FAR2: variants seen among roughly 807,000 people sequenced by gnomAD.
The protein encoded by FAR2 is epididymis secretory protein Li 81.
Under a neutral mutation model 56.0 loss-of-function variants are expected in FAR2, and 19 were observed. The observed-to-expected ratio is 0.34, with a 90% confidence interval of 0.24 to 0.50. The LOEUF (loss-of-function observed/expected upper bound fraction) is 0.50. Ranked by LOEUF, FAR2 falls within the 20% of genes least tolerant of loss-of-function variation. The pLI, the probability that FAR2 is intolerant of heterozygous loss-of-function variation, is 0.98. For missense variants in FAR2, 508 were observed against 642.2 expected, an observed-to-expected ratio of 0.79 and a Z score of 2.26; for synonymous variants, 219 against 218.8, an observed-to-expected ratio of 1.00 and a Z score of -0.01.
At chr12:29,271,981 A>C (rs1348624074) in intron 2 of FAR2, among the ~76,000 whole-genome samples, 4 of 152,176 alleles carry the variant, frequency 2.6e-5, no homozygotes, top group Non-Finnish European at 5.9e-5. Flanking sequence ...CCTGCCCCAC[A>C]CTGCCTTCGG....
At chr12:29,260,846 G>C (rs866125190) in intron 1 of FAR2, among the ~76,000 whole-genome samples, 3 of 152,172 alleles carry the variant, frequency 2.0e-5, no homozygotes, top group Non-Finnish European at 4.4e-5. Flanking sequence ...TGGTAATCCA[G>C]GGAATTCTCT....
At chr12:29,283,651 A>T (rs10843376) in intron 2 of FAR2, among the ~76,000 whole-genome samples, 97,969 of 151,818 alleles carry the variant, frequency 0.65, 32,363 homozygotes, top group African/African-American at 0.78. Context: ...ATTGCTTTTT[A>T]AAAAATTATC....
chr12:29,253,408 C>CAGAT (rs140676085), intron 1 of FAR2, among the ~76,000 whole-genome samples: 45,777 of 143,964 alleles, frequency 0.32, 7,831 homozygotes, highest in Non-Finnish European at 0.37. Flanking sequence ...GATAGATGGA[C>CAGAT]AGATAGATAG....
intron 1 of FAR2, among the ~76,000 whole-genome samples, chr12:29,149,764 G>T (rs1207238428): frequency 2.0e-5 from 3 of 152,222 alleles, no homozygotes; most frequent in African/African-American, 7.2e-5. Flanking sequence ...GGGGACCCGG[G>T]AAGAGAGGCG....
chr12:29,268,296 A>T (rs1948553067), intron 1 of FAR2, among the ~76,000 whole-genome samples: 2 of 152,176 alleles, frequency 1.3e-5, no homozygotes, highest in Admixed American at 1.3e-4. Flanking sequence ...ACAGTTGACA[A>T]AGTGAGTGGA....
chr12:29,191,342 G>A (rs1036358342), intron 1 of FAR2, among the ~76,000 whole-genome samples: 1 of 152,228 alleles, frequency 6.6e-6, no homozygotes, highest in Non-Finnish European at 1.5e-5. Flanking sequence ...CTTTCAATAT[G>A]CTTAGGAGGA....
chr12:29,152,605 G>A lies in FAR2; in HGVS notation c.-39+3198G>A, dbSNP rs569961703. Among the ~76,000 whole-genome samples the A allele has an allele frequency of 6.6e-5, 10 of 152,312 alleles. No homozygotes were observed. In the East Asian group the frequency reaches 7.7e-4, roughly 12 times the overall value. ...CACTAGAAGGGATGAATGGAGATTC[G>A]TTCTTCATGCAATTACTCTGTGCAG... On this transcript the variant is annotated intron_variant, in intron 1 of 11. Coordinates refer to ENST00000536681, the MANE Select transcript of FAR2 (RefSeq NM_001271783.2).
chr12:29,279,772 G>A (rs569892123), intron 2 of FAR2, among the ~76,000 whole-genome samples: 1 of 152,230 alleles, frequency 6.6e-6, no homozygotes, highest in East Asian at 1.9e-4. Context: ...GAGAGATAGA[G>A]CTTGGTAGAG....
intron 1 of FAR2, among the ~76,000 whole-genome samples, chr12:29,213,347 A>T (rs1182463885): frequency 6.6e-6 from 1 of 152,180 alleles, no homozygotes; most frequent in East Asian, 1.9e-4. Flanking sequence ...ATGAGGGCAC[A>T]TATGAGCACT....
chr12:29,326,662 G>T (rs879250762), intron 10 of FAR2, among the ~76,000 whole-genome samples: 1 of 152,140 alleles, frequency 6.6e-6, no homozygotes, highest in East Asian at 1.9e-4. Context: ...CACATGATTA[G>T]CTCAATAGAC....
intron 1 of FAR2, among the ~76,000 whole-genome samples, chr12:29,182,717 G>A (rs1950002998): frequency 6.6e-6 from 1 of 152,156 alleles, no homozygotes; most frequent in East Asian, 1.9e-4. Context: ...GTTTAGTTGG[G>A]CCAAGAGTGG....
intron 1 of FAR2, among the ~76,000 whole-genome samples, chr12:29,219,187 C>T (rs989544741): frequency 1.1e-4 from 16 of 152,108 alleles, no homozygotes; most frequent in African/African-American, 3.6e-4. Flanking sequence ...CTGTGCCCAG[C>T]CCACGTTAGA....
chr12:29,261,897 A>G lies in FAR2; in HGVS notation c.-38-8515A>G, dbSNP rs570453287. 1.8e-4 allele frequency among the ~76,000 whole-genome samples: 27 copies of G among 152,364 alleles called. No individual in the cohort carries two copies. In the East Asian group the frequency reaches 5.2e-3, roughly 29 times the overall value. On this transcript the variant is annotated intron_variant, in intron 1 of 11. Transcript: ENST00000536681. ...AGCTGAGGGATTTCATCAACACCAG[A>G]CCTGTCCTATAAAAATGCTAAAGGC...
chr12:29,151,668 A>G (rs1382036341), intron 1 of FAR2: 3 of 152,238 alleles, frequency 2.0e-5, no homozygotes, highest in Admixed American at 6.5e-5. Flanking sequence ...CAGTGTTTGA[A>G]CAGCAATCCC....
chr12:29,244,772 A>T (rs1948098155), intron 1 of FAR2, among the ~76,000 whole-genome samples: 1 of 152,218 alleles, frequency 6.6e-6, no homozygotes, highest in Non-Finnish European at 1.5e-5. Context: ...GAACTTATTC[A>T]TTCAATTACA....
chr12:29,247,619 G>A (rs574046530), intron 1 of FAR2, among the ~76,000 whole-genome samples: 12 of 152,116 alleles, frequency 7.9e-5, no homozygotes, highest in Middle Eastern at 3.4e-3. Context: ...ATTGAGATAC[G>A]GTTGTAAGAA....
chr12:29,149,920 C>T (rs1184256877), intron 1 of FAR2, among the ~76,000 whole-genome samples: 1 of 152,142 alleles, frequency 6.6e-6, no homozygotes, highest in Non-Finnish European at 1.5e-5. Flanking sequence ...TCCTGGTCCC[C>T]GGAGCAGGTC....
At chr12:29,315,503 G>A (rs762915068) in intron 8 of FAR2, among the ~76,000 whole-genome samples, 9 of 152,110 alleles carry the variant, frequency 5.9e-5, no homozygotes, top group African/African-American at 7.2e-5. Context: ...GAATCACTCC[G>A]GCTGCCACAT....
intron 3 of FAR2, among the ~76,000 whole-genome samples, chr12:29,296,306 G>A (rs1171464524): frequency 1.3e-5 from 2 of 152,134 alleles, no homozygotes; most frequent in East Asian, 1.9e-4. Context: ...TACCACTGAC[G>A]TTACAAGCAG....
Sources: allele counts gnomAD v4.1 joint callset (sites outside exome capture counted in the v4.1 genomes callset), GRCh38; gene constraint gnomAD v4.1.1; transcripts MANE v1.5; gene names NCBI Gene and HGNC (gene_info 2026-07-23, HGNC 2026-07-21).